Variants in PPP1R7 observed in about 807,000 individuals in gnomAD.
The protein encoded by PPP1R7 is protein phosphatase 1 regulatory subunit 7.
Under a neutral mutation model 45.2 loss-of-function variants are expected in PPP1R7, and 18 were observed. The ratio of observed to expected loss-of-function variants is 0.40; its 90% CI spans 0.28 to 0.59. PPP1R7 has a LOEUF of 0.59. Among genes scored for constraint, PPP1R7 ranks in the 20% least tolerant of loss-of-function variants. The pLI, the probability that PPP1R7 is intolerant of heterozygous loss-of-function variation, is 0.46. For synonymous variants in PPP1R7, 181 were observed against 183.4 expected (o/e 0.99, Z 0.11); for missense variants, 314 against 455.8 (o/e 0.69, Z 2.83).
At chr2:241,168,597 C>A (rs2067761643) in intron 8 of PPP1R7, among the ~76,000 whole-genome samples, 1 of 152,180 alleles carries the variant, frequency 6.6e-6, no homozygotes, top group Admixed American at 6.5e-5. Flanking sequence ...GAGCCTGATA[C>A]TCTGTGAGCA....
At chr2:241,153,666 T>G in intron 2 of PPP1R7, 62 bp downstream of exon 2, 1 of 1,587,264 alleles carries the variant, frequency 6.3e-7, no homozygotes, top group South Asian at 1.1e-5. Flanking sequence ...GTGCTGCACG[T>G]GGTCTGGCCC....
intron 2 of PPP1R7, chr2:241,155,379 A>G (rs958675238): frequency 6.6e-6 from 1 of 152,124 alleles, no homozygotes; most frequent in African/African-American, 2.4e-5. Context: ...GAAAAATCCA[A>G]GTTTTTTCTT....
At chr2:241,161,383 A>G (rs1277926510) in intron 6 of PPP1R7, among the ~76,000 whole-genome samples, 1 of 136,932 alleles carries the variant, frequency 7.3e-6, no homozygotes, top group Non-Finnish European at 1.6e-5. Context: ...CCTCTTGATC[A>G]TGGTCATCTT....
At chr2:241,160,124 C>T (rs1220589487) in intron 5 of PPP1R7, among the ~76,000 whole-genome samples, 4 of 152,124 alleles carry the variant, frequency 2.6e-5, no homozygotes, top group East Asian at 3.8e-4. Flanking sequence ...TGGCTTGCTC[C>T]GGGCTCCTGG....
intron 1 of PPP1R7, 89 bp downstream of exon 1, chr2:241,150,636 A>C: frequency 7.2e-6 from 10 of 1,383,604 alleles, no homozygotes; most frequent in Non-Finnish European, 9.4e-6. Context: ...GAGAAACTCC[A>C]CGTCCTGCCT....
chr2:241,172,652 A>G (rs2067836959), intron 9 of PPP1R7, among the ~76,000 whole-genome samples: 1 of 152,082 alleles, frequency 6.6e-6, no homozygotes, highest in African/African-American at 2.4e-5. Context: ...TCAAAAAAAA[A>G]AAAAAAGAAA....
At chr2:241,176,313 A>G (rs76537921) in intron 9 of PPP1R7, among the ~76,000 whole-genome samples, 2,264 of 152,186 alleles carry the variant, frequency 0.015, 82 homozygotes, top group East Asian at 0.1. Context: ...TGTTATCCAC[A>G]TGTGTCAGAT....
At chr2:241,165,594 T>A (rs192549820) in intron 7 of PPP1R7, among the ~76,000 whole-genome samples, 6 of 152,090 alleles carry the variant, frequency 3.9e-5, no homozygotes, top group Non-Finnish European at 8.8e-5. Context: ...GTTTTTTGTT[T>A]GTTTGTTTGT....
rs746375627 is a variant in PPP1R7, at chr2:241,163,405, C to G, written c.714+4C>G. ...CCTGACAGTCCTCAGTATGCAGGTA[C>G]GGAGCTTCCTGAGCCGCCCTTCCCT... On this transcript the variant is annotated splice_donor_region_variant and intron_variant, in intron 7 of 9. Coordinates refer to ENST00000234038, the MANE Select transcript of PPP1R7 (RefSeq NM_002712.3). 6.3e-7 allele frequency: 1 copy of G among 1,596,594 alleles called. No individual in the cohort carries two copies. The highest frequency in any genetic ancestry group is 1.1e-5 in the South Asian group (1 of 90,588).
intron 2 of PPP1R7, 117 bp from the exon 3 acceptor site, chr2:241,157,690 C>T (rs781400918): frequency 1.2e-4 from 111 of 933,036 alleles, no homozygotes; most frequent in Non-Finnish European, 1.7e-4. Flanking sequence ...GGTTCCTCCT[C>T]GGGGTTTGAG....
chr2:241,164,709 G>T (rs190693687), intron 7 of PPP1R7, among the ~76,000 whole-genome samples: 179 of 152,104 alleles, frequency 1.2e-3, no homozygotes, highest in Middle Eastern at 0.01. Flanking sequence ...GACCAGCCTG[G>T]GCAACATAGT....
At chr2:241,167,060 A>G in intron 8 of PPP1R7, 1 of 1,611,748 alleles carries the variant, frequency 6.2e-7, no homozygotes, top group Non-Finnish European at 8.5e-7. Context: ...GGACAGCCTC[A>G]CGTACTGAGG....
At position 241,165,780 on chromosome 2, in the gene PPP1R7, G is replaced by A. The variant is rs112899988; in HGVS notation, c.715-557G>A. Among the ~76,000 whole-genome samples the A allele has an allele frequency of 7.8e-3, 1,177 of 150,492 alleles. 16 individuals carry two copies. Among genetic ancestry groups the A allele is most frequent in the African/African-American group, 0.026 (1,082 of 40,924 alleles). On this transcript the variant is annotated intron_variant, in intron 7 of 9. Transcript: ENST00000234038. ...GGCTAATTTTTTTTGTATTTTTTTC[G>A]TAGAGACGGGGTTTCACCGTGTTAG...
intron 9 of PPP1R7, among the ~76,000 whole-genome samples, chr2:241,180,373 C>G (rs144934609): frequency 8.5e-6 from 1 of 117,408 alleles, no homozygotes; most frequent in East Asian, 2.3e-4. Flanking sequence ...AATACTCTAA[C>G]GATCGCTGGT....
chr2:241,162,806 C>T (rs151062526), intron 6 of PPP1R7, among the ~76,000 whole-genome samples: 3,675 of 151,964 alleles, frequency 0.024, 144 homozygotes, highest in African/African-American at 0.083. Flanking sequence ...CCTCAGCCTC[C>T]GGAGTAGCTG....
chr2:241,180,545 G>A (rs1334848321), intron 9 of PPP1R7, among the ~76,000 whole-genome samples: 1 of 152,056 alleles, frequency 6.6e-6, no homozygotes, highest in Non-Finnish European at 1.5e-5. Flanking sequence ...GCGTGTGTGT[G>A]CATCATTTTC....
intron 2 of PPP1R7, among the ~76,000 whole-genome samples, chr2:241,156,597 C>T (rs2125483660): frequency 6.6e-6 from 1 of 152,204 alleles, no homozygotes; most frequent in East Asian, 1.9e-4. Context: ...TTGCTTGAGC[C>T]CACAAGTTCA....
intron 4 of PPP1R7, chr2:241,158,989 G>T (rs1575387161): frequency 1.9e-6 from 1 of 539,442 alleles, no homozygotes; most frequent in East Asian, 3.4e-5. Flanking sequence ...CCTGCCTCCT[G>T]CCTCCCTTTG....
intron 8 of PPP1R7, among the ~76,000 whole-genome samples, chr2:241,166,845 C>G (rs1424875529): frequency 6.6e-6 from 1 of 152,220 alleles, no homozygotes; most frequent in African/African-American, 2.4e-5. Context: ...CCCTTTAGGC[C>G]ACTGACCTGT....
Sources: allele counts gnomAD v4.1 joint callset (sites outside exome capture counted in the v4.1 genomes callset), GRCh38; gene constraint gnomAD v4.1.1; transcripts MANE v1.5; gene names NCBI Gene and HGNC (gene_info 2026-07-23, HGNC 2026-07-21).